The following CDKN2C variants were observed in gnomAD, a reference collection of about 807,000 sequenced individuals.
The protein encoded by CDKN2C is cyclin-dependent kinase 4 inhibitor C.
Under a neutral mutation model 11.0 loss-of-function variants are expected in CDKN2C, and 5 were observed. That is an observed-to-expected ratio of 0.45 (90% CI 0.24 to 0.95). The LOEUF is 0.95. Among genes scored for constraint, CDKN2C ranks in the 40% least tolerant of loss-of-function variants. CDKN2C has a pLI of 0.21. For missense variants in CDKN2C, 161 were observed against 211.9 expected, an observed-to-expected ratio of 0.76 and a Z score of 1.49; for synonymous variants, 79 against 88.3, an observed-to-expected ratio of 0.89 and a Z score of 0.59.
chr1:50,968,628 G>C (rs1167056228), upstream of CDKN2C: 2 of 152,218 alleles, frequency 1.3e-5, no homozygotes, highest in Non-Finnish European at 2.9e-5. Flanking sequence ...CTGCGAGCGC[G>C]AGCGCCAGCA....
At chr1:50,965,194 T>C (rs923175681) in intron 1 of CDKN2C, among the ~76,000 whole-genome samples, 1 of 151,628 alleles carries the variant, frequency 6.6e-6, no homozygotes, top group African/African-American at 2.4e-5. Context: ...TTTTTTTCCT[T>C]CTTACTTTAA....
At chr1:50,966,623 T>C (rs1203996778), upstream of CDKN2C, among the ~76,000 whole-genome samples, 1 of 152,110 alleles carries the variant, frequency 6.6e-6, no homozygotes, top group Non-Finnish European at 1.5e-5. Flanking sequence ...GGAGTTACTG[T>C]GTAATACTTA....
chr1:50,972,861 A>C (rs756302651), intron 1 of CDKN2C, among the ~76,000 whole-genome samples: 5 of 152,156 alleles, frequency 3.3e-5, no homozygotes, highest in African/African-American at 4.8e-5. Context: ...ATAACTGAAA[A>C]AGGAACTAAC....
At chr1:50,965,646 C>A (rs1158958323), upstream of CDKN2C, among the ~76,000 whole-genome samples, 1 of 151,984 alleles carries the variant, frequency 6.6e-6, no homozygotes. Flanking sequence ...GAAGTCAAGG[C>A]TTCAGTGAGC....
intron 1 of CDKN2C, among the ~76,000 whole-genome samples, chr1:50,962,509 G>A (rs1156278251): frequency 1.3e-5 from 2 of 152,170 alleles, no homozygotes; most frequent in Admixed American, 6.5e-5. Flanking sequence ...CATTCATATA[G>A]GCCACCCTCA....
chr1:50,974,398 A>G lies in CDKN2C; in HGVS notation c.*128A>G, dbSNP rs544613607. ...AAGCAGCTAAATTTTCTGAAACTGC[A>G]TAAGTGAAAATCTTACAACAGGCTT... is the stretch of plus-strand genomic sequence containing the variant. On this transcript the variant is annotated 3_prime_UTR_variant, in exon 2 of 2. Coordinates refer to ENST00000371761, the MANE Select transcript of CDKN2C (RefSeq NM_078626.3). 2.9e-5 allele frequency: 26 copies of G among 892,420 alleles called. No individual in the cohort carries two copies. The South Asian group carries it at 3.7e-4, about 13-fold the overall frequency. 55.3% of individuals were successfully genotyped at this position (892,420 alleles called of 1,614,324 possible). A position where few individuals can be genotyped will look rare whatever the true frequency, so the allele number is the denominator to read the frequency against.
intron 1 of CDKN2C, among the ~76,000 whole-genome samples, chr1:50,973,320 C>G (rs1250576546): frequency 3.9e-5 from 6 of 152,174 alleles, no homozygotes; most frequent in Non-Finnish European, 1.5e-5. Context: ...AAAAATTGAT[C>G]ATTTAAGAAA....
intron 1 of CDKN2C, 69 bp from the exon 2 acceptor site, chr1:50,973,824 G>A: frequency 6.6e-7 from 1 of 1,525,168 alleles, no homozygotes; most frequent in Non-Finnish European, 9.1e-7. Context: ...GGAAGGACAG[G>A]CAGATATTTT....
At chr1:50,972,855 C>T (rs545426196) in intron 1 of CDKN2C, among the ~76,000 whole-genome samples, 6 of 152,076 alleles carry the variant, frequency 3.9e-5, no homozygotes, top group Non-Finnish European at 7.4e-5. Context: ...TTGATAATAA[C>T]TGAAAAAGGA....
chr1:50,961,156 CTCCATAGTAGCTGG>C (rs1306964228), intron 1 of CDKN2C, among the ~76,000 whole-genome samples: 1 of 152,166 alleles, frequency 6.6e-6, no homozygotes, highest in Admixed American at 6.5e-5. Flanking sequence ...CTGCCTCAGC[CTCCATAGTAGCTGG>C]GATTACAGGC....
chr1:50,967,792 C>A (rs924225346), upstream of CDKN2C: 2 of 152,162 alleles, frequency 1.3e-5, no homozygotes, highest in Admixed American at 1.3e-4. Flanking sequence ...CTCCCCAACC[C>A]CACATCCCCA....
chr1:50,973,494 A>G (rs1645390818), intron 1 of CDKN2C, among the ~76,000 whole-genome samples: 1 of 152,266 alleles, frequency 6.6e-6, no homozygotes, highest in African/African-American at 2.4e-5. Context: ...ATGAGCATGA[A>G]CAATCAAACA....
At chr1:50,968,123 A>C (rs1438113281), upstream of CDKN2C, 1 of 142,196 alleles carries the variant, frequency 7.0e-6, no homozygotes, top group Non-Finnish European at 1.5e-5. Flanking sequence ...GCCGTCGGGC[A>C]TGGATCTGGC....
chr1:50,963,457 A>C (rs1645334822), intron 1 of CDKN2C, among the ~76,000 whole-genome samples: 1 of 152,232 alleles, frequency 6.6e-6, no homozygotes, highest in Non-Finnish European at 1.5e-5. Flanking sequence ...ACTTTACAGA[A>C]TATAAAGCTG....
Position 50,970,511 on chromosome 1 carries a change from G to C in CDKN2C, c.129+14G>C. On this transcript the variant is annotated intron_variant, in intron 1 of 1. Coordinates refer to ENST00000371761, the MANE Select transcript of CDKN2C (RefSeq NM_078626.3). ...ACTGCGCTGCAGGTTGGTATTAAGA[G>C]AGGTGGGGAAAACAAGTCAATAATG... 1 of 1,614,098 alleles carries C rather than the reference G, an allele frequency of 6.2e-7. No homozygotes were observed. Among genetic ancestry groups the C allele is most frequent in the Non-Finnish European group, 8.5e-7 (1 of 1,179,954 alleles).
chr1:50,973,114 T>C (rs984321023), intron 1 of CDKN2C, among the ~76,000 whole-genome samples: 2 of 152,196 alleles, frequency 1.3e-5, no homozygotes, highest in African/African-American at 4.8e-5. Flanking sequence ...TAGTTTTATA[T>C]AAATTGATAT....
chr1:50,971,045 A>G (rs1436272305), intron 1 of CDKN2C, among the ~76,000 whole-genome samples: 1 of 152,204 alleles, frequency 6.6e-6, no homozygotes, highest in African/African-American at 2.4e-5. Flanking sequence ...TTAATGTAAT[A>G]CCATCCACTC....
chr1:50,967,027 C>T (rs1163032249), upstream of CDKN2C, among the ~76,000 whole-genome samples: 4 of 152,146 alleles, frequency 2.6e-5, no homozygotes, highest in African/African-American at 9.7e-5. Context: ...AATTATAGTA[C>T]GTTTACCCGT....
chr1:50,970,379 C>T lies in CDKN2C; in HGVS notation c.11C>T (p.Pro4Leu), dbSNP rs1363298411. The T allele has an allele frequency of 1.2e-6, 2 of 1,614,108 alleles. No homozygotes were observed. The highest frequency in any genetic ancestry group is 1.1e-5 in the South Asian group (1 of 91,074). The stretch of plus-strand genomic sequence containing the variant: ...TCAGGACCCTAAAGAATGGCCGAGC[C>T]TTGGGGGAACGAGTTGGCGTCCGCA... MAE[P>L]WGNELASAAA... Residue 4 changes from proline to leucine, a missense_variant, in exon 1 of 2, where the codon CCT becomes CTT. Pro to Leu is a moderately conservative substitution (Grantham distance 98). Transcript: ENST00000371761.
Sources: allele counts gnomAD v4.1 joint callset (sites outside exome capture counted in the v4.1 genomes callset), GRCh38; gene constraint gnomAD v4.1.1; transcripts MANE v1.5; gene names NCBI Gene and HGNC (gene_info 2026-07-23, HGNC 2026-07-21).